DGKB: variants seen among roughly 807,000 people sequenced by gnomAD.
The protein encoded by DGKB is 90 kDa diacylglycerol kinase.
In DGKB, 67 loss-of-function variants were observed where a neutral mutation model predicts 114.3. The ratio of observed to expected loss-of-function variants is 0.59; its 90% CI spans 0.48 to 0.72. The LOEUF (loss-of-function observed/expected upper bound fraction) is 0.72, where lower values mean the gene tolerates loss of function less well. Among genes scored for constraint, DGKB ranks in the 30% least tolerant of loss-of-function variants. The probability of loss-of-function intolerance (pLI) is 0.00; values close to 1 mark genes in which losing one functional copy is unlikely to be tolerated. For synonymous variants in DGKB, 398 were observed against 323.1 expected, an observed-to-expected ratio of 1.23 and a Z score of -2.49; for missense variants, 907 against 975.2, an observed-to-expected ratio of 0.93 and a Z score of 0.93.
intron 20 of DGKB, among the ~76,000 whole-genome samples, chr7:14,541,292 T>G (rs967409296): frequency 6.6e-6 from 1 of 152,170 alleles, no homozygotes; most frequent in Non-Finnish European, 1.5e-5. Flanking sequence ...TTAGGTCAGC[T>G]ATCAATATCA....
intron 23 of DGKB, among the ~76,000 whole-genome samples, chr7:14,274,533 C>T (rs1798718391): frequency 1.3e-5 from 2 of 152,084 alleles, no homozygotes; most frequent in South Asian, 4.1e-4. Context: ...GTTTCTCACT[C>T]TGTATTGTTT....
intron 21 of DGKB, among the ~76,000 whole-genome samples, chr7:14,392,457 A>G (rs1360744323): frequency 1.3e-5 from 2 of 152,216 alleles, no homozygotes; most frequent in Non-Finnish European, 2.9e-5. Context: ...TTATCAGTGA[A>G]TGGAACGTAC....
At chr7:14,689,211 T>TTTA (rs1563917698) in intron 9 of DGKB, among the ~76,000 whole-genome samples, 1 of 129,700 alleles carries the variant, frequency 7.7e-6, no homozygotes, top group Non-Finnish European at 1.7e-5. Context: ...TTTTTTTTTT[T>TTTA]TTTTTTTTTT....
intron 20 of DGKB, among the ~76,000 whole-genome samples, chr7:14,512,931 T>A (rs1788203935): frequency 6.6e-6 from 1 of 152,088 alleles, no homozygotes; most frequent in Non-Finnish European, 1.5e-5. Context: ...CTTCCTTCAA[T>A]CATGTGGTCA....
At chr7:14,275,155 C>T (rs1240650960) in intron 23 of DGKB, among the ~76,000 whole-genome samples, 1 of 152,120 alleles carries the variant, frequency 6.6e-6, no homozygotes, top group African/African-American at 2.4e-5. Flanking sequence ...CTTGAATATA[C>T]TTAAGTTCTA....
chr7:14,353,068 A>C (rs1177779526), intron 21 of DGKB, among the ~76,000 whole-genome samples: 1 of 152,210 alleles, frequency 6.6e-6, no homozygotes, highest in Non-Finnish European at 1.5e-5. Flanking sequence ...ACTGTCTCAA[A>C]TGAGCTTAGA....
intron 23 of DGKB, among the ~76,000 whole-genome samples, chr7:14,236,584 T>C (rs1584636911): frequency 6.6e-6 from 1 of 152,134 alleles, no homozygotes; most frequent in Non-Finnish European, 1.5e-5. Context: ...GAAATAATTT[T>C]AGAACTGCTG....
At chr7:14,426,968 G>A (rs1346752693) in intron 21 of DGKB, among the ~76,000 whole-genome samples, 1 of 151,970 alleles carries the variant, frequency 6.6e-6, no homozygotes, top group African/African-American at 2.4e-5. Flanking sequence ...GCTGAGGCAT[G>A]AAAATCACCT....
intron 2 of DGKB, among the ~76,000 whole-genome samples, chr7:14,760,137 G>C (rs1835473399): frequency 6.6e-6 from 1 of 152,010 alleles, no homozygotes; most frequent in Non-Finnish European, 1.5e-5. Flanking sequence ...CCTCTGGGGG[G>C]TGTGTGTGTA....
chr7:14,351,468 A>G (rs191467144), intron 21 of DGKB, among the ~76,000 whole-genome samples: 10 of 152,316 alleles, frequency 6.6e-5, no homozygotes, highest in African/African-American at 2.2e-4. Flanking sequence ...GGGAGGATAC[A>G]TTTGTAGTTT....
At chr7:14,529,620 G>A (rs1791226742) in intron 20 of DGKB, among the ~76,000 whole-genome samples, 1 of 151,540 alleles carries the variant, frequency 6.6e-6, no homozygotes, top group African/African-American at 2.4e-5. Context: ...CCTTACCTAA[G>A]GAATATGAAT....
chr7:14,203,370 T>G (rs1054295508), intron 23 of DGKB, among the ~76,000 whole-genome samples: 1 of 152,000 alleles, frequency 6.6e-6, no homozygotes, highest in Non-Finnish European at 1.5e-5. Context: ...ATATATATTT[T>G]GTTTTCTTCT....
At chr7:14,189,720 T>G (rs979763590) in intron 23 of DGKB, among the ~76,000 whole-genome samples, 1 of 152,070 alleles carries the variant, frequency 6.6e-6, no homozygotes, top group Non-Finnish European at 1.5e-5. Context: ...AGATATTCCG[T>G]GCAAACAAAA....
At chr7:14,537,144 A>G (rs2128608796) in intron 20 of DGKB, among the ~76,000 whole-genome samples, 2 of 152,284 alleles carry the variant, frequency 1.3e-5, no homozygotes, top group East Asian at 3.9e-4. Flanking sequence ...GAAAAATTTA[A>G]AACCCTCATA....
intron 9 of DGKB, among the ~76,000 whole-genome samples, chr7:14,687,181 G>C (rs1238784714): frequency 1.3e-5 from 2 of 151,990 alleles, no homozygotes; most frequent in Admixed American, 6.6e-5. Flanking sequence ...TCTCTTTGTT[G>C]TGAATAACAA....
intron 19 of DGKB, among the ~76,000 whole-genome samples, chr7:14,576,956 C>A (rs1280327953): frequency 6.6e-6 from 1 of 152,166 alleles, no homozygotes; most frequent in East Asian, 1.9e-4. Flanking sequence ...AAACTCTGAA[C>A]TGTAGTCCCC....
upstream of DGKB, among the ~76,000 whole-genome samples, chr7:14,905,631 T>A (rs372407764): frequency 1.3e-5 from 2 of 152,162 alleles, no homozygotes; most frequent in Non-Finnish European, 2.9e-5. Flanking sequence ...TTCATCTACA[T>A]CTCCTTCATC....
At chr7:14,687,482 G>C (rs929986418) in intron 9 of DGKB, among the ~76,000 whole-genome samples, 1 of 152,026 alleles carries the variant, frequency 6.6e-6, no homozygotes, top group Non-Finnish European at 1.5e-5. Context: ...GTGAGTCATA[G>C]ATTTCTAGTA....
Position 14,313,620 on chromosome 7 carries a change from C to G in DGKB, c.2122+24895G>C, listed in dbSNP as rs1488980584. On this transcript the variant is annotated intron_variant, in intron 23 of 25. Coordinates refer to ENST00000402815, the MANE Select transcript of DGKB (RefSeq NM_001350709.2). ...CACGAGATTATATCCGCACCTGGCTCGGAGGGTCCTACGCCCACGGAGTCT... is the reference window on the plus strand; with the variant it reads ...CACGAGATTATATCCGCACCTGGCTGGGAGGGTCCTACGCCCACGGAGTCT... Among the ~76,000 whole-genome samples the G allele has an allele frequency of 2.6e-5, 4 of 152,182 alleles. No homozygotes were observed. The East Asian group carries it at 7.7e-4, about 29-fold the overall frequency.
Sources: gnomAD v4.1 joint callset for allele counts (sites outside exome capture counted in the v4.1 genomes callset) on GRCh38, gnomAD v4.1.1 for gene constraint, MANE v1.5 for transcripts, NCBI Gene and HGNC (gene_info 2026-07-23, HGNC 2026-07-21) for gene names.